ABCC3: variants seen among roughly 807,000 people sequenced by gnomAD.
The protein encoded by ABCC3 is ATP-binding cassette sub-family C member 3.
In ABCC3, 121 loss-of-function variants were observed where a neutral mutation model predicts 165.3. That is an observed-to-expected ratio of 0.73 (90% confidence interval 0.63 to 0.85). ABCC3 has a LOEUF of 0.85. Among genes scored for constraint, ABCC3 ranks in the 40% least tolerant of loss-of-function variants. The probability of loss-of-function intolerance (pLI) is 0.00; values close to 1 mark genes in which losing one functional copy is unlikely to be tolerated. For synonymous variants in ABCC3, 733 were observed against 810.1 expected, an observed-to-expected ratio of 0.90 and a Z score of 1.62; for missense variants, 1,869 against 1,964.1, an observed-to-expected ratio of 0.95 and a Z score of 0.92.
chr17:50,660,885 C>G (rs750922995), intron 7 of ABCC3, 38 bp from the exon 8 acceptor site: 31 of 1,545,232 alleles, frequency 2.0e-5, no homozygotes, highest in Non-Finnish European at 2.6e-5. Flanking sequence ...AGCCCCTGTC[C>G]CCATTCCTAA....
intron 28 of ABCC3, 135 bp from the exon 29 acceptor site, chr17:50,684,574 A>G (rs754168326): frequency 3.8e-5 from 36 of 951,264 alleles, no homozygotes; most frequent in Middle Eastern, 2.5e-4. Context: ...CTCTTTGGCC[A>G]TTGTGTCCTC....
In ABCC3 at chr17:50,677,941, C is replaced by A; in HGVS notation, c.3576C>A (p.Asn1192Lys). The A allele has an allele frequency of 6.2e-7, 1 of 1,614,168 alleles. No individual in the cohort carries two copies. Among genetic ancestry groups the A allele is most frequent in the Non-Finnish European group, 8.5e-7 (1 of 1,180,036 alleles). ...QRSCYPYIIS[N>K]RWLSIGVEFV... is the part of the protein sequence containing the mutation. ...GCTGCTACCCCTACATCATCTCCAA[C>A]CGGTCAGAAGCCGCCTCCCTCGCTC... is the stretch of plus-strand genomic sequence containing the variant. Residue 1192 changes from asparagine (N) to lysine (K), a missense_variant and splice_region_variant, in exon 24 of 31, where the codon AAC (asparagine) becomes AAA (lysine). Physicochemically the swap from Asn to Lys is moderately conservative, Grantham distance 94. Coordinates refer to ENST00000285238, the MANE Select transcript of ABCC3 (RefSeq NM_003786.4).
At position 50,636,138 on chromosome 17, in the gene ABCC3, G is replaced by A. The variant is rs148024934; in HGVS notation, c.45+1157G>A. Among the ~76,000 whole-genome samples, 8 of 152,278 alleles carry A rather than the reference G, an allele frequency of 5.3e-5. No individual in the cohort carries two copies. In the East Asian group the frequency reaches 1.3e-3, roughly 26 times the overall value. On this transcript the variant is annotated intron_variant, in intron 1 of 30. Transcript: ENST00000285238. The stretch of plus-strand genomic sequence containing the variant: ...GTGCTTCTCTGTGGTCATTAAAGGG[G>A]TGTCCAGGGCTTGTGAATCCCAATC...
intron 1 of ABCC3, among the ~76,000 whole-genome samples, chr17:50,647,636 T>C (rs1967027574): frequency 6.6e-6 from 1 of 152,278 alleles, no homozygotes; most frequent in Admixed American, 6.5e-5. Flanking sequence ...CAGCAAGGAA[T>C]GCTTGCCAAG....
intron 17 of ABCC3, among the ~76,000 whole-genome samples, chr17:50,672,432 G>T (rs1053394479): frequency 2.6e-5 from 4 of 152,168 alleles, no homozygotes; most frequent in African/African-American, 9.7e-5. Context: ...GGTTGGGCAG[G>T]ACACCAAGCT....
intron 1 of ABCC3, among the ~76,000 whole-genome samples, chr17:50,639,789 A>C (rs548403374): frequency 6.8e-6 from 1 of 148,080 alleles, no homozygotes; most frequent in African/African-American, 2.5e-5. Flanking sequence ...TTTGTGACAG[A>C]GTCTTGCTCT....
intron 1 of ABCC3, among the ~76,000 whole-genome samples, chr17:50,649,286 A>G (rs1165212640): frequency 6.6e-6 from 1 of 152,194 alleles, no homozygotes; most frequent in African/African-American, 2.4e-5. Context: ...ATGGGCAGGC[A>G]GTATTAATGG....
Position 50,676,479 on chromosome 17 carries a change from T to A in ABCC3, c.3269T>A (p.Leu1090Gln). 6.2e-7 allele frequency: 1 copy of A among 1,614,240 alleles called. No homozygotes were observed. Among genetic ancestry groups the A allele is most frequent in the African/African-American group, 1.3e-5 (1 of 75,068 alleles). The change falls in exon 23 of 31, where the codon CTG becomes CAG. Residue 1090 changes from leucine to glutamine, a missense_variant. Transcript: ENST00000285238. Reference protein sequence around the residue: ...DEVLAPVILMLLNSFFNAIST... With the variant: ...DEVLAPVILMQLNSFFNAIST... ...GTTCTGGCCCCTGTCATCCTCATGC[T>A]GCTCAATTCCTTCTTCAACGCCATC...
intron 1 of ABCC3, chr17:50,643,513 G>C: frequency 2.2e-6 from 1 of 456,176 alleles, no homozygotes. Flanking sequence ...TCACAGAGCA[G>C]GGATAGGCCT....
chr17:50,672,949 C>T, intron 17 of ABCC3, 22 bp from the exon 18 acceptor site: 1 of 1,607,120 alleles, frequency 6.2e-7, no homozygotes. Flanking sequence ...CCCCATTTTT[C>T]CCACCCCCCG....
intron 1 of ABCC3, among the ~76,000 whole-genome samples, chr17:50,640,781 C>T (rs1246548024): frequency 6.6e-6 from 1 of 152,210 alleles, no homozygotes; most frequent in Non-Finnish European, 1.5e-5. Flanking sequence ...CCTCGGCCTC[C>T]CAAAGTGCTG....
At position 50,634,951 on chromosome 17, in the gene ABCC3, C is replaced by A. The variant is rs1293320066; in HGVS notation, c.15C>A (p.Cys5Ter). The change falls in exon 1 of 31, where the codon TGC (cysteine) becomes TGA (stop). Residue 5 changes from cysteine (C) to a stop codon, truncating the protein, a stop_gained. Transcript: ENST00000285238. LOFTEE classifies it high-confidence loss of function. The part of the protein sequence containing the change: MDAL[C>*]GSGELGSKFW... ...GCCTCGGCCCCATGGACGCCCTGTG[C>A]GGTTCCGGGGAGCTCGGCTCCAAGT... 1 of 1,261,104 alleles carries A rather than the reference C, an allele frequency of 7.9e-7. No individual in the cohort carries two copies. The highest frequency in any genetic ancestry group is 4.1e-5 in the Admixed American group (1 of 24,318). 78.1% of individuals were successfully genotyped at this position (1,261,104 alleles called of 1,614,324 possible).
intron 30 of ABCC3, among the ~76,000 whole-genome samples, chr17:50,689,781 C>G (rs1441555926): frequency 2.6e-5 from 4 of 152,126 alleles, no homozygotes; most frequent in Non-Finnish European, 5.9e-5. Context: ...AGTGCTGAGC[C>G]CTGGGTTTGG....
intron 26 of ABCC3, among the ~76,000 whole-genome samples, chr17:50,681,920 G>A (rs1597860923): frequency 1.3e-5 from 2 of 152,042 alleles, no homozygotes; most frequent in African/African-American, 4.8e-5. Flanking sequence ...ACCCCTCACT[G>A]TCTGGGAGCT....
chr17:50,673,990 CT>C (rs1967733549), intron 19 of ABCC3, among the ~76,000 whole-genome samples: 1 of 8,160 alleles, frequency 1.2e-4, no homozygotes, highest in Admixed American at 1.4e-3. Context: ...CTCTCTCTCT[CT>C]CTCTCTCTCT....
intron 1 of ABCC3, among the ~76,000 whole-genome samples, chr17:50,653,825 A>G (rs1356246936): frequency 6.6e-6 from 1 of 152,066 alleles, no homozygotes; most frequent in Non-Finnish European, 1.5e-5. Context: ...GTCAAGTAGT[A>G]CTTACAGAGA....
At chr17:50,671,411 C>G (rs1044999444) in intron 17 of ABCC3, among the ~76,000 whole-genome samples, 4 of 152,196 alleles carry the variant, frequency 2.6e-5, no homozygotes, top group Non-Finnish European at 5.9e-5. Flanking sequence ...TCATTCCCCA[C>G]TGCCCCTAGG....
chr17:50,642,179 G>A (rs536666710), intron 1 of ABCC3, among the ~76,000 whole-genome samples: 36 of 152,322 alleles, frequency 2.4e-4, no homozygotes, highest in Non-Finnish European at 4.6e-4. Flanking sequence ...TGCCATCCCC[G>A]GGCCAGGCAG....
At chr17:50,658,593 G>A in intron 6 of ABCC3, 97 bp downstream of exon 6, 1 of 1,363,340 alleles carries the variant, frequency 7.3e-7, no homozygotes, top group Non-Finnish European at 1.0e-6. Flanking sequence ...GGACCGGGCT[G>A]GCCACCTATC....
Sources: allele counts gnomAD v4.1 joint callset (sites outside exome capture counted in the v4.1 genomes callset), GRCh38; gene constraint gnomAD v4.1.1; transcripts MANE v1.5; gene names NCBI Gene and HGNC (gene_info 2026-07-23, HGNC 2026-07-21).